Variants in PTPRD observed in about 807,000 individuals in gnomAD.
PTPRD encodes receptor-type tyrosine-protein phosphatase delta.
Under a neutral mutation model 214.5 loss-of-function variants are expected in PTPRD, and 34 were observed. That is an observed-to-expected ratio of 0.16 (90% CI 0.12 to 0.21). The LOEUF is 0.21. Ranked by LOEUF, PTPRD falls within the 10% of genes least tolerant of loss-of-function variation. The pLI, the probability that PTPRD is intolerant of heterozygous loss-of-function variation, is 1.00. For synonymous variants in PTPRD, 1,128 were observed against 845.7 expected (o/e 1.33, Z -5.79); for missense variants, 2,545 against 2,398.7 (o/e 1.06, Z -1.27).
chr9:9,882,646 T>C (rs1332568456), intron 5 of PTPRD, among the ~76,000 whole-genome samples: 2 of 152,200 alleles, frequency 1.3e-5, no homozygotes, highest in East Asian at 3.9e-4. Flanking sequence ...ATAGCAACTG[T>C]TGAATTCTCC....
chr9:10,062,578 C>T (rs1008174526), intron 3 of PTPRD, among the ~76,000 whole-genome samples: 2 of 151,984 alleles, frequency 1.3e-5, no homozygotes, highest in African/African-American at 2.4e-5. Context: ...CGTATTCCAG[C>T]CTGGGCGAAA....
At chr9:9,523,575 A>G (rs2097046122) in intron 8 of PTPRD, among the ~76,000 whole-genome samples, 2 of 152,298 alleles carry the variant, frequency 1.3e-5, no homozygotes, top group East Asian at 3.9e-4. Flanking sequence ...CCTTCCTCAC[A>G]GAAGTCTGGC....
At chr9:9,699,495 G>C (rs1290667709) in intron 7 of PTPRD, among the ~76,000 whole-genome samples, 4 of 152,070 alleles carry the variant, frequency 2.6e-5, no homozygotes, top group Non-Finnish European at 5.9e-5. Flanking sequence ...GGGTGTATGT[G>C]TCTGATAGTT....
intron 7 of PTPRD, among the ~76,000 whole-genome samples, chr9:9,678,030 T>C (rs1487349122): frequency 2.0e-5 from 3 of 152,092 alleles, no homozygotes; most frequent in Non-Finnish European, 4.4e-5. Context: ...AAGGACCTCT[T>C]CAAGGAGAAC....
chr9:9,973,639 T>C (rs1395281128), intron 4 of PTPRD, among the ~76,000 whole-genome samples: 1 of 152,144 alleles, frequency 6.6e-6, no homozygotes, highest in Non-Finnish European at 1.5e-5. Context: ...AAAGACCAAG[T>C]ACATGGGGCA....
intron 3 of PTPRD, among the ~76,000 whole-genome samples, chr9:10,129,870 C>A (rs2098846586): frequency 6.6e-6 from 1 of 151,958 alleles, no homozygotes; most frequent in Admixed American, 6.6e-5. Flanking sequence ...TCAGAGAAAA[C>A]ATCTAAACAA....
chr9:9,439,435 A>C (rs2086642485), intron 8 of PTPRD, among the ~76,000 whole-genome samples: 2 of 152,192 alleles, frequency 1.3e-5, no homozygotes, highest in Admixed American at 6.5e-5. Context: ...AAGGTGGAAT[A>C]ATGTGATAAA....
intron 11 of PTPRD, among the ~76,000 whole-genome samples, chr9:8,997,166 A>T (rs944914980): frequency 5.3e-5 from 8 of 152,100 alleles, no homozygotes; most frequent in African/African-American, 1.9e-4. Flanking sequence ...CTATTTGAAC[A>T]TTTAAGCTAT....
chr9:9,046,627 A>T (rs1286409280), intron 10 of PTPRD, among the ~76,000 whole-genome samples: 1 of 152,192 alleles, frequency 6.6e-6, no homozygotes, highest in East Asian at 1.9e-4. Flanking sequence ...GATAGGGGTC[A>T]TATAACTTTT....
At chr9:10,076,169 G>A (rs2098128869) in intron 3 of PTPRD, among the ~76,000 whole-genome samples, 1 of 152,054 alleles carries the variant, frequency 6.6e-6, no homozygotes, top group Non-Finnish European at 1.5e-5. Context: ...CTTGAGTGCA[G>A]GTTTGAGGGT....
At chr9:10,416,298 G>T (rs1224181630) in intron 2 of PTPRD, among the ~76,000 whole-genome samples, 2 of 151,866 alleles carry the variant, frequency 1.3e-5, no homozygotes, top group East Asian at 2.0e-4. Flanking sequence ...GCAGAGTGTT[G>T]CAGTGAGCCA....
At chr9:8,773,122 G>A (rs1261410278) in intron 11 of PTPRD, among the ~76,000 whole-genome samples, 1 of 152,150 alleles carries the variant, frequency 6.6e-6, no homozygotes, top group Non-Finnish European at 1.5e-5. Context: ...CCAGCCCTGT[G>A]CAAGCTCCAG....
chr9:10,065,175 GAAAGA>G (rs2097853922), intron 3 of PTPRD, among the ~76,000 whole-genome samples: 14 of 151,292 alleles, frequency 9.3e-5, no homozygotes, highest in South Asian at 4.2e-4. Context: ...AAGAAAGAAA[GAAAGA>G]AAGAAAGAAA....
intron 3 of PTPRD, among the ~76,000 whole-genome samples, chr9:10,085,908 A>G (rs1310993330): frequency 6.6e-6 from 1 of 151,838 alleles, no homozygotes; most frequent in African/African-American, 2.4e-5. Context: ...TACTCTATGA[A>G]AGTCTCTGAT....
chr9:9,580,677 T>C (rs920270786), intron 7 of PTPRD, among the ~76,000 whole-genome samples: 10 of 150,956 alleles, frequency 6.6e-5, no homozygotes. Context: ...GCCTCCTGAA[T>C]AGCTGGGATT....
intron 10 of PTPRD, among the ~76,000 whole-genome samples, chr9:9,038,306 G>T (rs953852847): frequency 3.3e-5 from 5 of 152,130 alleles, no homozygotes; most frequent in Non-Finnish European, 7.4e-5. Flanking sequence ...GGACAGTTTG[G>T]TCTAGGCTGG....
chr9:8,841,427 C>A (rs1024192074), intron 11 of PTPRD, among the ~76,000 whole-genome samples: 24 of 152,098 alleles, frequency 1.6e-4, no homozygotes, highest in African/African-American at 5.6e-4. Context: ...TAGAAACAAG[C>A]TTTATTTTTT....
chr9:9,335,188 A>C lies in PTPRD; in HGVS notation c.-203+62261T>G, dbSNP rs139312709. On this transcript the variant is annotated intron_variant, in intron 9 of 45. Transcript: ENST00000381196. Reference sequence around the variant, plus strand: ...TTTTCAACTGAAATAAGCATTTTGAAAAAGCCTTAAAAAGTCATTGTCATT... The same window carrying C: ...TTTTCAACTGAAATAAGCATTTTGACAAAGCCTTAAAAAGTCATTGTCATT... Among the ~76,000 whole-genome samples, 46 of 152,168 alleles carry C rather than the reference A, an allele frequency of 3.0e-4. No individual in the cohort carries two copies. The East Asian group carries it at 7.7e-3, about 26-fold the overall frequency.
chr9:8,376,776 A>G (rs760401290), intron 37 of PTPRD, 50 bp from the exon 38 acceptor site: 90 of 1,604,196 alleles, frequency 5.6e-5, no homozygotes, highest in South Asian at 6.7e-5. Flanking sequence ...CAATTTCTCT[A>G]TTAACTTTGC....
Sources: allele counts gnomAD v4.1 joint callset (sites outside exome capture counted in the v4.1 genomes callset), GRCh38; gene constraint gnomAD v4.1.1; transcripts MANE v1.5; gene names NCBI Gene and HGNC (gene_info 2026-07-23, HGNC 2026-07-21).